The following KLRG1 variants were observed in gnomAD, a reference collection of about 807,000 sequenced individuals.
KLRG1 encodes killer cell lectin like receptor G1, also known as killer cell lectin-like receptor subfamily G member 1.
Under a neutral mutation model 21.8 loss-of-function variants are expected in KLRG1, and 16 were observed. That is an observed-to-expected ratio of 0.73 (90% CI 0.50 to 1.11). The LOEUF (loss-of-function observed/expected upper bound fraction) is 1.11, where lower values mean the gene tolerates loss of function less well. KLRG1 is among the 50% of genes most tolerant of loss of function. KLRG1 has a pLI of 0.00. For synonymous variants in KLRG1, 69 were observed against 75.9 expected (o/e 0.91, Z 0.47); for missense variants, 173 against 218.3 (o/e 0.79, Z 1.31).
the KLRG1 span, among the ~76,000 whole-genome samples, chr12:9,062,873 C>G: frequency 1.1e-4 from 16 of 151,112 alleles, no homozygotes; most frequent in African/African-American, 3.9e-4. Flanking sequence ...AGTTAAACAC[C>G]TAAACAGCCC....
At chr12:9,015,192 T>C (rs12812329), downstream of KLRG1, among the ~76,000 whole-genome samples, 35,562 of 145,242 alleles carry the variant, frequency 0.24, 4,860 homozygotes, top group East Asian at 0.37. Context: ...GTGAACTAAA[T>C]TCTCCAATCA....
chr12:9,196,925 G>T, the KLRG1 span: 2 of 1,081,888 alleles, frequency 1.8e-6, no homozygotes, highest in South Asian at 2.9e-5. Context: ...CGACAAGCTT[G>T]TCCTGATGCC....
At chr12:9,118,228 C>T in the KLRG1 span, among the ~76,000 whole-genome samples, 1 of 152,162 alleles carries the variant, frequency 6.6e-6, no homozygotes, top group African/African-American at 2.4e-5. Context: ...AATAGAACTC[C>T]CGATCCTTTG....
the KLRG1 span, chr12:9,112,643 A>T: frequency 1.3e-5 from 16 of 1,236,136 alleles, no homozygotes; most frequent in Non-Finnish European, 1.5e-5. Flanking sequence ...ACTTAACTTC[A>T]CTCCCTTGTT....
At chr12:9,109,805 C>A in the KLRG1 span, 1 of 1,476,454 alleles carries the variant, frequency 6.8e-7, no homozygotes, top group Non-Finnish European at 9.1e-7. Context: ...AACTTAAATT[C>A]CAGGACCTAA....
At chr12:9,152,884 A>G in the KLRG1 span, 8 of 1,614,138 alleles carry the variant, frequency 5.0e-6, no homozygotes, top group Non-Finnish European at 6.8e-6. Flanking sequence ...AGTTTGGGGC[A>G]CAGTCTGCAC....
the KLRG1 span, among the ~76,000 whole-genome samples, chr12:9,073,869 C>T: frequency 1.3e-5 from 2 of 152,146 alleles, no homozygotes; most frequent in African/African-American, 4.8e-5. Context: ...GGATGGATTG[C>T]CTGAGCTCAG....
At chr12:9,094,619 C>T in the KLRG1 span, among the ~76,000 whole-genome samples, 1 of 151,926 alleles carries the variant, frequency 6.6e-6, no homozygotes, top group African/African-American at 2.4e-5. Context: ...AGAAGTAGCT[C>T]ATGTCATTGA....
At chr12:9,044,613 G>A in the KLRG1 span, among the ~76,000 whole-genome samples, 5 of 152,182 alleles carry the variant, frequency 3.3e-5, no homozygotes, top group African/African-American at 1.2e-4. Context: ...GTTGCAGTGA[G>A]CCGAGATCAC....
At chr12:9,003,474 TAAAA>T (rs904877489) in intron 3 of KLRG1, among the ~76,000 whole-genome samples, 1 of 151,948 alleles carries the variant, frequency 6.6e-6, no homozygotes, top group Non-Finnish European at 1.5e-5. Context: ...GTGAAAATAT[TAAAA>T]AAAATCCATT....
At chr12:9,050,116 A>G in the KLRG1 span, among the ~76,000 whole-genome samples, 3 of 152,362 alleles carry the variant, frequency 2.0e-5, no homozygotes, top group East Asian at 3.9e-4. Context: ...AATTATTAAA[A>G]TAGAGCTCTT....
At chr12:9,191,397 T>A in the KLRG1 span, among the ~76,000 whole-genome samples, 1 of 152,118 alleles carries the variant, frequency 6.6e-6, no homozygotes. Flanking sequence ...TTTTAATGTT[T>A]AATTAAAATA....
the KLRG1 span, among the ~76,000 whole-genome samples, chr12:9,163,326 G>C: frequency 2.8e-4 from 42 of 150,214 alleles, 1 homozygote; most frequent in South Asian, 8.9e-3. Context: ...TTAGCCAGGC[G>C]CCTGTAGTCC....
At chr12:9,089,237 C>G in the KLRG1 span, 4 of 1,588,362 alleles carry the variant, frequency 2.5e-6, no homozygotes, top group African/African-American at 5.4e-5. Context: ...TTGTTTCCTT[C>G]TCTAGTCCTT....
At chr12:9,176,515 A>G in the KLRG1 span, among the ~76,000 whole-genome samples, 2 of 152,230 alleles carry the variant, frequency 1.3e-5, no homozygotes, top group African/African-American at 4.8e-5. Context: ...AATAAAAATA[A>G]AAGAACCACA....
intron 1 of KLRG1, among the ~76,000 whole-genome samples, chr12:8,976,821 G>A (rs1946663909): frequency 6.6e-6 from 1 of 150,850 alleles, no homozygotes; most frequent in Non-Finnish European, 1.5e-5. Flanking sequence ...ATTTTGGCTC[G>A]CTGCAACCTC....
chr12:8,955,279 A>T (rs1946270798), intron 1 of KLRG1, among the ~76,000 whole-genome samples: 1 of 151,492 alleles, frequency 6.6e-6, no homozygotes, highest in South Asian at 2.1e-4. Flanking sequence ...TGTTATCTGT[A>T]ATCAAAAAAT....
At chr12:9,196,764 G>A in the KLRG1 span, 4 of 1,293,842 alleles carry the variant, frequency 3.1e-6, no homozygotes, top group East Asian at 7.1e-5. Context: ...TGTCTCTAAT[G>A]ACAAGAAAAC....
At chr12:9,202,440 G>A in the KLRG1 span, 8 of 1,611,924 alleles carry the variant, frequency 5.0e-6, no homozygotes, top group Non-Finnish European at 6.8e-6. Context: ...AAGACAGGAG[G>A]CTACGGGGCT....
Sources: allele counts gnomAD v4.1 joint callset (sites outside exome capture counted in the v4.1 genomes callset), GRCh38; gene constraint gnomAD v4.1.1; transcripts MANE v1.5; gene names NCBI Gene and HGNC (gene_info 2026-07-23, HGNC 2026-07-21).